Variants in HECW1 observed in about 807,000 individuals in gnomAD.
HECW1 encodes HECT, C2 and WW domain containing E3 ubiquitin protein ligase 1, also known as E3 ubiquitin-protein ligase HECW1.
A neutral mutation model predicts 182.3 loss-of-function variants in HECW1; 61 were observed. The ratio of observed to expected loss-of-function variants is 0.33; its 90% CI spans 0.27 to 0.41. HECW1 has a LOEUF of 0.41. Ranked by LOEUF, HECW1 falls within the 10% of genes least tolerant of loss-of-function variation. The pLI is 1.00. For missense variants in HECW1, 1,739 were observed against 2,108.9 expected (o/e 0.82, Z 3.44); for synonymous variants, 859 against 832.6 (o/e 1.03, Z -0.55).
intron 5 of HECW1, among the ~76,000 whole-genome samples, chr7:43,337,205 A>G (rs969298858): frequency 2.0e-5 from 3 of 152,074 alleles, no homozygotes; most frequent in African/African-American, 4.8e-5. Flanking sequence ...GCCAACATCC[A>G]TTGTTTTTTG....
intron 8 of HECW1, among the ~76,000 whole-genome samples, chr7:43,419,211 TGTATTG>T (rs2076106459): frequency 6.6e-6 from 1 of 152,204 alleles, no homozygotes; most frequent in Non-Finnish European, 1.5e-5. Flanking sequence ...TAGTGAGATT[TGTATTG>T]GCATTTTAGC....
At chr7:43,129,192 G>A (rs1361625209) in intron 2 of HECW1, among the ~76,000 whole-genome samples, 2 of 152,190 alleles carry the variant, frequency 1.3e-5, no homozygotes, top group African/African-American at 4.8e-5. Context: ...CTATCAAACA[G>A]CATCACATGC....
intron 2 of HECW1, among the ~76,000 whole-genome samples, chr7:43,175,363 T>G (rs1224818694): frequency 6.6e-6 from 1 of 152,252 alleles, no homozygotes; most frequent in Non-Finnish European, 1.5e-5. Context: ...AACTTACTAC[T>G]CTTCTTAAGT....
intron 2 of HECW1, among the ~76,000 whole-genome samples, chr7:43,116,019 AG>A (rs1228667195): frequency 1.3e-5 from 2 of 152,190 alleles, no homozygotes; most frequent in Non-Finnish European, 2.9e-5. Flanking sequence ...AGTGGATTTC[AG>A]GTCATAAAAA....
chr7:43,474,624 C>T (rs575183575), intron 16 of HECW1, among the ~76,000 whole-genome samples: 1 of 151,906 alleles, frequency 6.6e-6, no homozygotes, highest in African/African-American at 2.4e-5. Context: ...GACATACAGT[C>T]GTAGTAGGAA....
At chr7:43,296,685 C>A (rs552564255) in intron 3 of HECW1, among the ~76,000 whole-genome samples, 1 of 152,214 alleles carries the variant, frequency 6.6e-6, no homozygotes, top group African/African-American at 2.4e-5. Context: ...AGGCCAAATG[C>A]GAACTAATGG....
intron 13 of HECW1, among the ~76,000 whole-genome samples, chr7:43,462,714 C>A (rs1414923155): frequency 6.6e-6 from 1 of 152,206 alleles, no homozygotes; most frequent in Non-Finnish European, 1.5e-5. Context: ...GGTCTCCTGG[C>A]CCTGCCAGGT....
At chr7:43,344,631 G>T (rs1343734535) in intron 5 of HECW1, among the ~76,000 whole-genome samples, 5 of 151,814 alleles carry the variant, frequency 3.3e-5, no homozygotes, top group Non-Finnish European at 5.9e-5. Flanking sequence ...TGTCCTTTTA[G>T]ATTTCAGTTA....
At chr7:43,485,329 G>T (rs1044789606) in intron 17 of HECW1, among the ~76,000 whole-genome samples, 10 of 152,134 alleles carry the variant, frequency 6.6e-5, no homozygotes, top group Non-Finnish European at 1.3e-4. Context: ...TCTTAAAATT[G>T]GTCATTTTCC....
chr7:43,347,966 C>T (rs561037681), intron 5 of HECW1, among the ~76,000 whole-genome samples: 75 of 152,186 alleles, frequency 4.9e-4, no homozygotes, highest in South Asian at 3.1e-3. Flanking sequence ...TCAAGGACAT[C>T]GGTATGTAGT....
rs2082234332 is a variant in HECW1, at chr7:43,562,470, A to G, written c.*544A>G. 1 of 228,202 alleles carries G rather than the reference A, an allele frequency of 4.4e-6. No individual in the cohort carries two copies. Among genetic ancestry groups the G allele is most frequent in the African/African-American group, 2.2e-5 (1 of 44,998 alleles). The allele number at this position is 228,202 out of a possible 1,614,324, so 14.1% of individuals were successfully genotyped here. ...TCCATCCAAAGGACAACAGTGGCAA[A>G]GCTGAAATTTTTATACATTCAACTC... On this transcript the variant is annotated 3_prime_UTR_variant, in exon 30 of 30. Coordinates refer to ENST00000395891, the MANE Select transcript of HECW1 (RefSeq NM_015052.5).
Position 43,416,972 on chromosome 7 carries a change from A to G in HECW1, c.801+9241A>G, listed in dbSNP as rs1187620456. 5.3e-5 allele frequency among the ~76,000 whole-genome samples: 8 copies of G among 152,310 alleles called. No individual in the cohort carries two copies. The East Asian group carries it at 1.5e-3, about 29-fold the overall frequency. On this transcript the variant is annotated intron_variant, in intron 8 of 29. Coordinates refer to ENST00000395891, the MANE Select transcript of HECW1 (RefSeq NM_015052.5). Reference sequence around the variant, plus strand: ...CACCCAGTACCTCAGATGGAAATGCAGAAATCACCCGTCTTCTGCGTCGCT... The same window carrying G: ...CACCCAGTACCTCAGATGGAAATGCGGAAATCACCCGTCTTCTGCGTCGCT...
intron 2 of HECW1, among the ~76,000 whole-genome samples, chr7:43,117,046 C>A (rs769693814): frequency 6.6e-6 from 1 of 152,150 alleles, no homozygotes; most frequent in Non-Finnish European, 1.5e-5. Context: ...TAAAACTATT[C>A]TTTATACATT....
chr7:43,488,092 C>T (rs1183562877), intron 17 of HECW1, among the ~76,000 whole-genome samples: 2 of 151,960 alleles, frequency 1.3e-5, no homozygotes, highest in East Asian at 1.9e-4. Context: ...GGCAGATCAC[C>T]TGAAGTCAGG....
In HECW1 at chr7:43,407,718, T is replaced by C. The variant is rs765786632; in HGVS notation, c.788T>C (p.Ile263Thr). 1.2e-6 allele frequency: 2 copies of C among 1,611,886 alleles called. No homozygotes were observed. Among genetic ancestry groups the C allele is most frequent in the South Asian group, 2.2e-5 (2 of 90,890 alleles). Reference sequence around the variant, plus strand: ...ATCATAGGCAACACCGTGAACCCCATCTGGCAGGCCGAGGTGAGTGCTGTG... The same window carrying C: ...ATCATAGGCAACACCGTGAACCCCACCTGGCAGGCCGAGGTGAGTGCTGTG... Reference protein sequence around the residue: ...SKIIGNTVNPIWQAEQFSFVS... With the variant: ...SKIIGNTVNPTWQAEQFSFVS... The change falls in exon 8 of 30, where the codon ATC becomes ACC. Residue 263 changes from isoleucine to threonine, a missense_variant. Ile to Thr is a moderately conservative substitution (Grantham distance 89). This residue lies in a region of HECW1 where 279 missense variants were observed against 353.1 expected (regional missense o/e 0.79). Transcript: ENST00000395891.
intron 2 of HECW1, among the ~76,000 whole-genome samples, chr7:43,234,080 A>C (rs895798449): frequency 3.9e-5 from 6 of 152,228 alleles, no homozygotes; most frequent in African/African-American, 1.4e-4. Context: ...TTGCTAAACA[A>C]GCAAAAGGTT....
rs564895593 is a variant in HECW1, at chr7:43,549,977, G to A, written c.4249-468G>A. Among the ~76,000 whole-genome samples the A allele has an allele frequency of 6.6e-5, 10 of 152,234 alleles. No individual in the cohort carries two copies. The East Asian group carries it at 1.9e-3, about 29-fold the overall frequency. ...TCCTCTGTATAAAACAAAAACTGTA[G>A]CCTTTCCAAGGTGCTTAGCAATCTG... On this transcript the variant is annotated intron_variant, in intron 26 of 29. Coordinates refer to ENST00000395891, the MANE Select transcript of HECW1 (RefSeq NM_015052.5).
intron 2 of HECW1, among the ~76,000 whole-genome samples, chr7:43,139,050 C>T (rs563700221): frequency 3.3e-4 from 50 of 152,264 alleles, no homozygotes; most frequent in African/African-American, 1.1e-3. Flanking sequence ...AAGGCGTTTT[C>T]ACATCCTTCG....
chr7:43,409,817 T>G (rs1276480842), intron 8 of HECW1, among the ~76,000 whole-genome samples: 2 of 152,216 alleles, frequency 1.3e-5, no homozygotes, highest in Non-Finnish European at 2.9e-5. Context: ...AACCCCTAAA[T>G]TGTACTACAG....
Sources: allele counts gnomAD v4.1 joint callset (sites outside exome capture counted in the v4.1 genomes callset), GRCh38; gene constraint gnomAD v4.1.1; regional missense constraint gnomAD v4.1.1; transcripts MANE v1.5; gene names NCBI Gene and HGNC (gene_info 2026-07-23, HGNC 2026-07-21).